RASEF: variants seen among roughly 807,000 people sequenced by gnomAD.
RASEF encodes RAS and EF-hand domain containing.
RASEF carries 68 observed loss-of-function variants against 90.1 expected under a neutral mutation model. The observed-to-expected ratio is 0.75, with a 90% CI of 0.62 to 0.92. The LOEUF is 0.92. Ranked by LOEUF, RASEF falls within the 40% of genes least tolerant of loss-of-function variation. The pLI is 0.00. For missense variants in RASEF, 949 were observed against 937.2 expected, an observed-to-expected ratio of 1.01 and a Z score of -0.16; for synonymous variants, 331 against 345.2, an observed-to-expected ratio of 0.96 and a Z score of 0.46.
intron 4 of RASEF, among the ~76,000 whole-genome samples, chr9:83,013,482 GA>G (rs1467527712): frequency 1.3e-5 from 2 of 152,198 alleles, no homozygotes; most frequent in Non-Finnish European, 2.9e-5. Flanking sequence ...CTTCAGAGAA[GA>G]AAAACCATCG....
At chr9:83,131,326 A>G in the RASEF span, among the ~76,000 whole-genome samples, 2 of 152,222 alleles carry the variant, frequency 1.3e-5, no homozygotes, top group African/African-American at 4.8e-5. Flanking sequence ...ATTATGAGAT[A>G]GGTTGTTAGA....
Position 82,982,005 on chromosome 9 carries a change from T to A in RASEF, c.*672A>T, listed in dbSNP as rs1828612904. 1.3e-5 allele frequency: 2 copies of A among 152,352 alleles called. No individual in the cohort carries two copies. Among genetic ancestry groups the A allele is most frequent in the South Asian group, 2.1e-4 (1 of 4,834 alleles). The allele number at this position is 152,352 out of a possible 1,614,324, so 9.4% of individuals were successfully genotyped here. ...AATAGATATTTCTGTTTCCATTTTTTAATCAAATTCTGTCCTTATTTCAGA... is the reference window on the plus strand; with the variant it reads ...AATAGATATTTCTGTTTCCATTTTTAAATCAAATTCTGTCCTTATTTCAGA... On this transcript the variant is annotated 3_prime_UTR_variant, in exon 17 of 17. Coordinates refer to ENST00000376447, the MANE Select transcript of RASEF (RefSeq NM_152573.4).
chr9:83,184,398 G>A, the RASEF span, among the ~76,000 whole-genome samples: 7 of 152,320 alleles, frequency 4.6e-5, no homozygotes, highest in Admixed American at 1.3e-4. Context: ...GGAGGGCGGT[G>A]TTAGCTTGTG....
the RASEF span, among the ~76,000 whole-genome samples, chr9:83,100,782 A>G: frequency 6.6e-6 from 1 of 152,198 alleles, no homozygotes; most frequent in African/African-American, 2.4e-5. Flanking sequence ...AGTTAATGAA[A>G]TAATATTATA....
rs1364278990 is a variant in RASEF, at chr9:82,992,962, C to T, written c.1984G>A (p.Ala662Thr). Residue 662 changes from alanine to threonine, a missense_variant, in exon 15 of 17, where the codon GCT (alanine) becomes ACT (threonine). This residue lies in a region of RASEF where 288 missense variants were observed against 328.4 expected (regional missense o/e 0.88). Transcript: ENST00000376447. The part of the protein sequence containing the change: ...VGNKADIRDT[A>T]ATEGQKCVPG... Reference sequence around the variant, plus strand: ...ACACATTTTTGTCCCTCTGTAGCAGCAGTGTCACGAATGTCAGCCTTGTTT... The same window carrying T: ...ACACATTTTTGTCCCTCTGTAGCAGTAGTGTCACGAATGTCAGCCTTGTTT... 6.2e-7 allele frequency: 1 copy of T among 1,613,902 alleles called. No individual in the cohort carries two copies. Among genetic ancestry groups the T allele is most frequent in the South Asian group, 1.1e-5 (1 of 91,076 alleles).
intron 1 of RASEF, among the ~76,000 whole-genome samples, chr9:83,045,300 T>C (rs1270338456): frequency 6.6e-6 from 1 of 152,174 alleles, no homozygotes; most frequent in Non-Finnish European, 1.5e-5. Context: ...TAGACCAATG[T>C]ACCAGCTTCA....
chr9:83,122,144 C>T, the RASEF span, among the ~76,000 whole-genome samples: 1 of 152,136 alleles, frequency 6.6e-6, no homozygotes, highest in Non-Finnish European at 1.5e-5. Context: ...TGTACAAGAG[C>T]CAGCACACCC....
chr9:83,062,799 G>C lies in RASEF; in HGVS notation c.69C>G (p.Asn23Lys). 1 of 1,556,708 alleles carries C rather than the reference G, an allele frequency of 6.4e-7. No homozygotes were observed. ...CCTCGCGCTCCAGGCGCCCCGAGCG[G>C]TTCGCGTCGCAGGCGGCGAAGACTG... The part of the protein sequence containing the change: ...LRSVFAACDA[N>K]RSGRLEREEF... Residue 23 changes from asparagine to lysine, a missense_variant, in exon 1 of 17, where the codon AAC (asparagine) becomes AAG (lysine). Transcript: ENST00000376447.
At chr9:83,128,052 G>C in the RASEF span, among the ~76,000 whole-genome samples, 2 of 126,230 alleles carry the variant, frequency 1.6e-5, no homozygotes, top group African/African-American at 6.2e-5. Flanking sequence ...TTTTGCAAAA[G>C]CTATTTGAAT....
intron 1 of RASEF, among the ~76,000 whole-genome samples, chr9:83,059,518 T>G (rs1370329180): frequency 6.6e-6 from 1 of 152,220 alleles, no homozygotes; most frequent in East Asian, 1.9e-4. Flanking sequence ...GAGTATCTCC[T>G]GAGTATGAAA....
intron 1 of RASEF, among the ~76,000 whole-genome samples, chr9:83,033,275 G>C (rs1829678107): frequency 6.6e-6 from 1 of 152,136 alleles, no homozygotes; most frequent in Non-Finnish European, 1.5e-5. Flanking sequence ...GAAAATGCTA[G>C]GAAGCCAACC....
chr9:83,058,424 C>T (rs1393320612), intron 1 of RASEF, among the ~76,000 whole-genome samples: 5 of 147,914 alleles, frequency 3.4e-5, no homozygotes, highest in Admixed American at 6.6e-5. Context: ...CCTCGTGATC[C>T]GCCCGCCTCG....
At position 82,982,885 on chromosome 9, in the gene RASEF, T is replaced by C. The variant is rs191179697; in HGVS notation, c.2118-103A>G. ...ACAGATGGTTCTGTAGAAATAAAAA[T>C]AGCCATGCTGAGTGTCTGCACGGCC... On this transcript the variant is annotated intron_variant, in intron 16 of 16. Transcript: ENST00000376447. The C allele has an allele frequency of 6.9e-5, 52 of 751,562 alleles. 1 individual carries two copies. Among genetic ancestry groups the C allele is most frequent in the Admixed American group, 6.8e-4 (37 of 54,174 alleles). The allele number at this position is 751,562 out of a possible 1,614,324, so 46.6% of individuals were successfully genotyped here.
chr9:83,061,819 G>C (rs774206782), intron 1 of RASEF, among the ~76,000 whole-genome samples: 6 of 152,190 alleles, frequency 3.9e-5, no homozygotes, highest in Non-Finnish European at 8.8e-5. Flanking sequence ...GTTTAACTGG[G>C]CAAGTCCCTT....
At chr9:83,041,204 T>G (rs73469492) in intron 1 of RASEF, among the ~76,000 whole-genome samples, 4,435 of 152,344 alleles carry the variant, frequency 0.029, 196 homozygotes, top group African/African-American at 0.1. Context: ...ACATTAGTTT[T>G]CTATGACAGT....
Position 83,062,928 on chromosome 9 carries a change from G to T in RASEF, c.-61C>A. ...CGCCGCGGGGCGCAGGGCCCTCCCTGGAAGGACGGGGCCACCTGCTGCCGC... is the reference window on the plus strand; with the variant it reads ...CGCCGCGGGGCGCAGGGCCCTCCCTTGAAGGACGGGGCCACCTGCTGCCGC... On this transcript the variant is annotated 5_prime_UTR_variant, in exon 1 of 17. Transcript: ENST00000376447. 7.3e-7 allele frequency: 1 copy of T among 1,367,072 alleles called. No individual in the cohort carries two copies. The highest frequency in any genetic ancestry group is 9.4e-7 in the Non-Finnish European group (1 of 1,067,144). The allele number at this position is 1,367,072 out of a possible 1,614,324, so 84.7% of individuals were successfully genotyped here.
chr9:83,107,846 T>C, the RASEF span, among the ~76,000 whole-genome samples: 7,587 of 152,272 alleles, frequency 0.05, 248 homozygotes, highest in South Asian at 0.097. Flanking sequence ...TAAACTCTTG[T>C]TGTTTAAACG....
At chr9:83,121,107 T>TA in the RASEF span, among the ~76,000 whole-genome samples, 1 of 152,298 alleles carries the variant, frequency 6.6e-6, no homozygotes, top group East Asian at 1.9e-4. Flanking sequence ...TTATTTCAGT[T>TA]TGTCAAGGAG....
rs1486456304 is a variant in RASEF, at chr9:83,012,473, A to G, written c.804T>C (p.Asp268=). 4 of 1,591,960 alleles carry G rather than the reference A, an allele frequency of 2.5e-6. No individual in the cohort carries two copies. Among genetic ancestry groups the G allele is most frequent in the East Asian group, 2.3e-5 (1 of 43,414 alleles). The change falls in exon 5 of 17, where the codon GAT becomes GAC. Residue 268 remains aspartate, a synonymous_variant. Transcript: ENST00000376447. ...EQSKRVSQKE[D]VAALKKQIYD... is the part of the protein sequence containing the mutation. ...AAATTTGTTTTTTCAATGCAGCCAC[A>G]TCTTCCTTTTGACTTACGCGTTTTG...
Sources: allele counts gnomAD v4.1 joint callset (sites outside exome capture counted in the v4.1 genomes callset), GRCh38; gene constraint gnomAD v4.1.1; regional missense constraint gnomAD v4.1.1; transcripts MANE v1.5; gene names NCBI Gene and HGNC (gene_info 2026-07-23, HGNC 2026-07-21).